The following TMEM178B variants were observed in gnomAD, a reference collection of about 807,000 sequenced individuals.
TMEM178B encodes the protein transmembrane protein 178B.
Under a neutral mutation model 31.0 loss-of-function variants are expected in TMEM178B, and 5 were observed. That is an observed-to-expected ratio of 0.16 (90% CI 0.08 to 0.34). The LOEUF is 0.34. Among genes scored for constraint, TMEM178B ranks in the 10% least tolerant of loss-of-function variants. The probability of loss-of-function intolerance (pLI) is 1.00; values close to 1 mark genes in which losing one functional copy is unlikely to be tolerated. For synonymous variants in TMEM178B, 164 were observed against 164.0 expected (o/e 1.00, Z 0.00); for missense variants, 275 against 400.3 (o/e 0.69, Z 2.67).
At chr7:141,137,230 G>T (rs1367732874) in intron 1 of TMEM178B, among the ~76,000 whole-genome samples, 1 of 152,096 alleles carries the variant, frequency 6.6e-6, no homozygotes, top group Non-Finnish European at 1.5e-5. Flanking sequence ...CAAAAGAAAA[G>T]AAATCAGTAT....
intron 2 of TMEM178B, among the ~76,000 whole-genome samples, chr7:141,214,051 G>C (rs1328040629): frequency 6.6e-6 from 1 of 152,206 alleles, no homozygotes; most frequent in Non-Finnish European, 1.5e-5. Flanking sequence ...TGTTATATTT[G>C]CCTTAGAGAC....
At chr7:141,200,612 A>C (rs545268206) in intron 1 of TMEM178B, among the ~76,000 whole-genome samples, 6 of 152,232 alleles carry the variant, frequency 3.9e-5, no homozygotes, top group Admixed American at 1.3e-4. Context: ...GGGTGAGCAC[A>C]CAGTGAGAAA....
chr7:141,275,862 T>A (rs1438309116), intron 2 of TMEM178B, among the ~76,000 whole-genome samples: 1 of 152,230 alleles, frequency 6.6e-6, no homozygotes, highest in East Asian at 1.9e-4. Context: ...GCATCATTGC[T>A]GCAGAGAACA....
the TMEM178B span, among the ~76,000 whole-genome samples, chr7:141,507,446 C>T: frequency 6.6e-6 from 1 of 152,290 alleles, no homozygotes; most frequent in African/African-American, 2.4e-5. Flanking sequence ...GATCTTGGCT[C>T]ACTGCAACCT....
intron 1 of TMEM178B, among the ~76,000 whole-genome samples, chr7:141,094,048 A>T (rs1428819380): frequency 6.6e-6 from 1 of 152,228 alleles, no homozygotes; most frequent in Non-Finnish European, 1.5e-5. Context: ...GATAAATAAA[A>T]GCATAGTTGT....
chr7:141,341,138 G>T (rs1799509235), intron 2 of TMEM178B, among the ~76,000 whole-genome samples: 1 of 152,140 alleles, frequency 6.6e-6, no homozygotes, highest in South Asian at 2.1e-4. Context: ...ACCCCGTTTG[G>T]AGTTATCTGC....
chr7:141,456,527 C>G (rs1364449939), intron 3 of TMEM178B, among the ~76,000 whole-genome samples: 1 of 152,194 alleles, frequency 6.6e-6, no homozygotes, highest in African/African-American at 2.4e-5. Flanking sequence ...TCTGTGTGTC[C>G]TGGGCCTCAT....
intron 2 of TMEM178B, among the ~76,000 whole-genome samples, chr7:141,270,950 A>G (rs1798171139): frequency 6.6e-6 from 1 of 152,150 alleles, no homozygotes; most frequent in African/African-American, 2.4e-5. Context: ...ACCATCTTCA[A>G]CATTGTGGAT....
intron 1 of TMEM178B, among the ~76,000 whole-genome samples, chr7:141,199,868 G>A (rs983411534): frequency 6.6e-6 from 1 of 152,146 alleles, no homozygotes; most frequent in African/African-American, 2.4e-5. Flanking sequence ...TGGCTAACAC[G>A]GTGAAACCCC....
chr7:141,098,022 G>A (rs1794994666), intron 1 of TMEM178B, among the ~76,000 whole-genome samples: 1 of 151,748 alleles, frequency 6.6e-6, no homozygotes, highest in Non-Finnish European at 1.5e-5. Flanking sequence ...GAACTCCTGG[G>A]CTCAAGTGAT....
chr7:141,412,696 C>T (rs1009862177), intron 2 of TMEM178B, among the ~76,000 whole-genome samples: 4 of 152,160 alleles, frequency 2.6e-5, no homozygotes, highest in African/African-American at 7.2e-5. Context: ...CAGCGGAGCT[C>T]GGGGGAGTCA....
At chr7:141,330,998 CT>C (rs1563153539) in intron 2 of TMEM178B, among the ~76,000 whole-genome samples, 1 of 152,172 alleles carries the variant, frequency 6.6e-6, no homozygotes, top group African/African-American at 2.4e-5. Context: ...GCCTCCAAGC[CT>C]TTTTTGGTCT....
chr7:141,112,667 C>T (rs1352708263), intron 1 of TMEM178B, among the ~76,000 whole-genome samples: 3 of 152,284 alleles, frequency 2.0e-5, no homozygotes, highest in East Asian at 3.9e-4. Context: ...GCAAGGATAC[C>T]TCTCCATCAT....
intron 2 of TMEM178B, among the ~76,000 whole-genome samples, chr7:141,405,579 T>C (rs1194475218): frequency 6.6e-6 from 1 of 152,250 alleles, no homozygotes; most frequent in East Asian, 1.9e-4. Context: ...ATTAATTATG[T>C]GGTGATTAGC....
intron 2 of TMEM178B, among the ~76,000 whole-genome samples, chr7:141,366,992 G>A (rs1047831141): frequency 6.6e-5 from 10 of 151,762 alleles, no homozygotes; most frequent in African/African-American, 2.2e-4. Context: ...GGGTGGTGGA[G>A]CTGCTCCTTG....
chr7:141,081,487 T>A (rs1043530463), intron 1 of TMEM178B, among the ~76,000 whole-genome samples: 11 of 151,858 alleles, frequency 7.2e-5, no homozygotes, highest in Non-Finnish European at 1.5e-4. Context: ...ATACAAAAAA[T>A]TAACCAGGCA....
At chr7:141,139,397 G>C (rs952817033) in intron 1 of TMEM178B, among the ~76,000 whole-genome samples, 4 of 152,030 alleles carry the variant, frequency 2.6e-5, no homozygotes, top group South Asian at 2.1e-4. Flanking sequence ...TTTTGCCCAA[G>C]CTGGAGTTCA....
chr7:141,236,189 T>A (rs1257956886), intron 2 of TMEM178B, among the ~76,000 whole-genome samples: 2 of 152,128 alleles, frequency 1.3e-5, no homozygotes, highest in Non-Finnish European at 2.9e-5. Flanking sequence ...GGAGCTCCAG[T>A]CTCAGAGAGG....
chr7:141,498,151 T>G, the TMEM178B span, among the ~76,000 whole-genome samples: 1 of 152,156 alleles, frequency 6.6e-6, no homozygotes, highest in Non-Finnish European at 1.5e-5. Context: ...CCTGACCTGG[T>G]TTTCTAAATC....
Sources: gnomAD v4.1 joint callset for allele counts (sites outside exome capture counted in the v4.1 genomes callset) on GRCh38, gnomAD v4.1.1 for gene constraint, MANE v1.5 for transcripts, NCBI Gene and HGNC (gene_info 2026-07-23, HGNC 2026-07-21) for gene names.